CMYA5: variants seen among roughly 807,000 people sequenced by gnomAD.
The protein encoded by CMYA5 is cardiomyopathy-associated protein 5.
In CMYA5, 246 loss-of-function variants were observed where a neutral mutation model predicts 318.9. That is an observed-to-expected ratio of 0.77 (90% CI 0.70 to 0.86). CMYA5 has a LOEUF of 0.86. Ranked by LOEUF, CMYA5 falls within the 40% of genes least tolerant of loss-of-function variation. The probability of loss-of-function intolerance (pLI) is 0.00; values close to 1 mark genes in which losing one functional copy is unlikely to be tolerated. For synonymous variants in CMYA5, 1,641 were observed against 1,729.5 expected, an observed-to-expected ratio of 0.95 and a Z score of 1.27; for missense variants, 4,589 against 4,678.2, an observed-to-expected ratio of 0.98 and a Z score of 0.56.
chr5:79,719,637 C>T (rs949959645), intron 1 of CMYA5, among the ~76,000 whole-genome samples: 2 of 152,130 alleles, frequency 1.3e-5, no homozygotes, highest in Admixed American at 1.3e-4. Flanking sequence ...TCCTTCCTAC[C>T]GTGCAAAGGG....
chr5:79,729,430 T>C lies in CMYA5; in HGVS notation c.665T>C (p.Ile222Thr), dbSNP rs751735438. ...HKPLVLRPVY[I>T]GTVQYKIKMF... is the part of the protein sequence containing the mutation. ...CCATTAGTGTTAAGACCAGTCTACA[T>C]AGGAACAGTACAATATAAAATTAAG... is the stretch of plus-strand genomic sequence containing the variant. Residue 222 changes from isoleucine to threonine, a missense_variant, in exon 2 of 13, where the codon ATA becomes ACA. This residue lies in a region of CMYA5 where 2,132 missense variants were observed against 2,131.3 expected (regional missense o/e 1.00). Transcript: ENST00000446378. 18 of 1,613,546 alleles carry C rather than the reference T, an allele frequency of 1.1e-5. No homozygotes were observed. Among genetic ancestry groups the C allele is most frequent in the South Asian group, 9.9e-5 (9 of 91,056 alleles).
Position 79,729,927 on chromosome 5 carries a change from A to C in CMYA5, c.1162A>C (p.Thr388Pro). Reference sequence around the variant, plus strand: ...ATCTGTGACACCCGACACACCTGCAACTATGTTCCTGAGAACAACAAAGGA... The same window carrying C: ...ATCTGTGACACCCGACACACCTGCACCTATGTTCCTGAGAACAACAAAGGA... ...PPSVTPDTPA[T>P]MFLRTTKEEC... The change falls in exon 2 of 13, where the codon ACT becomes CCT. Residue 388 changes from threonine to proline, a missense_variant. Physicochemically the swap from Thr to Pro is conservative, Grantham distance 38. This residue lies in a region of CMYA5 where 2,132 missense variants were observed against 2,131.3 expected (regional missense o/e 1.00). Transcript: ENST00000446378. The C allele has an allele frequency of 2.5e-6, 4 of 1,613,808 alleles. No individual in the cohort carries two copies. The highest frequency in any genetic ancestry group is 3.4e-6 in the Non-Finnish European group (4 of 1,179,818).
intron 1 of CMYA5, among the ~76,000 whole-genome samples, chr5:79,694,670 G>T (rs890922344): frequency 6.6e-6 from 1 of 152,348 alleles, no homozygotes; most frequent in Middle Eastern, 3.4e-3. Context: ...ACTAGTCCTT[G>T]CAGGAATAAA....
chr5:79,695,661 C>T (rs946390002), intron 1 of CMYA5, among the ~76,000 whole-genome samples: 10 of 152,296 alleles, frequency 6.6e-5, no homozygotes, highest in African/African-American at 2.4e-4. Context: ...ATACCAGGGA[C>T]ACAAAGAGGA....
In CMYA5 at chr5:79,733,046, T is replaced by C; in HGVS notation, c.4281T>C (p.Ile1427=). 1.2e-6 allele frequency: 2 copies of C among 1,613,446 alleles called. No homozygotes were observed. Among genetic ancestry groups the C allele is most frequent in the South Asian group, 2.2e-5 (2 of 91,014 alleles). Residue 1427 remains isoleucine (I), a synonymous_variant, in exon 2 of 13, where the codon ATT becomes ATC. Transcript: ENST00000446378. ...DKVAIKGASP[I]ETSSKHLAWS... ...TGGCAATTAAAGGTGCTTCTCCCAT[T>C]GAAACTTCATCCAAACATTTAGCTT...
At chr5:79,750,368 CAAAAT>C (rs1466325134) in intron 5 of CMYA5, among the ~76,000 whole-genome samples, 2 of 152,140 alleles carry the variant, frequency 1.3e-5, no homozygotes, top group African/African-American at 4.8e-5. Flanking sequence ...AATATGTATA[CAAAAT>C]ATGTGTTAAT....
chr5:79,740,294 G>A (rs1453335776), intron 2 of CMYA5, among the ~76,000 whole-genome samples: 1 of 152,192 alleles, frequency 6.6e-6, no homozygotes, highest in East Asian at 1.9e-4. Context: ...GCTAGCAAGA[G>A]AGACAACACA....
At chr5:79,740,609 T>C (rs1257368896) in intron 2 of CMYA5, among the ~76,000 whole-genome samples, 4 of 152,228 alleles carry the variant, frequency 2.6e-5, no homozygotes, top group African/African-American at 9.6e-5. Context: ...TTTCTGGCTA[T>C]GTCTGTAGGA....
intron 6 of CMYA5, among the ~76,000 whole-genome samples, chr5:79,753,458 T>C (rs937837610): frequency 6.6e-5 from 10 of 152,064 alleles, no homozygotes; most frequent in African/African-American, 2.4e-4. Context: ...GTGTCCTCCT[T>C]AAAAGATGCT....
In CMYA5 at chr5:79,708,536, A is replaced by G. The variant is rs528438596; in HGVS notation, c.149+18480A>G. On this transcript the variant is annotated intron_variant, in intron 1 of 12. Coordinates refer to ENST00000446378, the MANE Select transcript of CMYA5 (RefSeq NM_153610.5). ...GCTACTTGGGAGGCTGAGGCGGGAC[A>G]ATGGCGTGAACCCAGGAGGCGGAGC... 4.1e-4 allele frequency among the ~76,000 whole-genome samples: 62 copies of G among 152,174 alleles called. 4 individuals are homozygous for G. The South Asian group carries it at 0.012, about 31-fold the overall frequency.
intron 12 of CMYA5, among the ~76,000 whole-genome samples, chr5:79,795,303 T>C (rs1254188545): frequency 1.3e-5 from 2 of 152,166 alleles, no homozygotes; most frequent in Admixed American, 6.5e-5. Context: ...AGAACGCTCC[T>C]GTGGCAGCCC....
At chr5:79,694,764 G>T (rs562612526) in intron 1 of CMYA5, among the ~76,000 whole-genome samples, 1 of 152,160 alleles carries the variant, frequency 6.6e-6, no homozygotes, top group East Asian at 1.9e-4. Flanking sequence ...TTTATATGGT[G>T]TCTCCCACAG....
At chr5:79,774,367 T>C (rs544695751) in intron 9 of CMYA5, 9 of 152,374 alleles carry the variant, frequency 5.9e-5, no homozygotes, top group Admixed American at 5.9e-4. Context: ...TTTCTTTGAA[T>C]GCTCTCCTCA....
chr5:79,699,284 G>A (rs968579440), intron 1 of CMYA5, among the ~76,000 whole-genome samples: 5 of 152,062 alleles, frequency 3.3e-5, no homozygotes, highest in Admixed American at 6.5e-5. Context: ...TCTGATGAAC[G>A]CCATTCATAT....
intron 9 of CMYA5, among the ~76,000 whole-genome samples, chr5:79,763,610 T>C (rs562785771): frequency 4.6e-5 from 7 of 152,312 alleles, no homozygotes; most frequent in East Asian, 3.9e-4. Context: ...GTCTCCATGA[T>C]AGATTGGTAA....
chr5:79,785,358 T>C (rs1829064868), intron 9 of CMYA5, among the ~76,000 whole-genome samples: 2 of 152,158 alleles, frequency 1.3e-5, no homozygotes, highest in African/African-American at 2.4e-5. Flanking sequence ...TTTTTAGAGA[T>C]CATGTTAAAT....
Position 79,732,909 on chromosome 5 carries a change from C to G in CMYA5, c.4144C>G (p.Pro1382Ala). ...EIPTDSSLIT[P>A]VDRPVLTKVG... ...CCCAACAGATTCATCTCTTATCACT[C>G]CTGTAGATCGTCCAGTCTTAACAAA... Residue 1382 changes from proline (P) to alanine (A), a missense_variant, in exon 2 of 13, where the codon CCT (proline) becomes GCT (alanine). This residue lies in a region of CMYA5 where 2,132 missense variants were observed against 2,131.3 expected (regional missense o/e 1.00). Transcript: ENST00000446378. 6.2e-7 allele frequency: 1 copy of G among 1,613,746 alleles called. No homozygotes were observed. The highest frequency in any genetic ancestry group is 8.5e-7 in the Non-Finnish European group (1 of 1,179,814).
chr5:79,701,688 A>G (rs1289085479), intron 1 of CMYA5, among the ~76,000 whole-genome samples: 2 of 152,216 alleles, frequency 1.3e-5, no homozygotes, highest in Non-Finnish European at 2.9e-5. Flanking sequence ...TAGAGTTACC[A>G]TATGACTCTG....
intron 9 of CMYA5, 153 bp downstream of exon 9, chr5:79,763,362 C>T (rs1167478671): frequency 1.6e-6 from 1 of 631,440 alleles, no homozygotes; most frequent in Non-Finnish European, 2.7e-6. Flanking sequence ...GCAGCTCTAT[C>T]ACAGTTCACC....
Sources: gnomAD v4.1 joint callset for allele counts (sites outside exome capture counted in the v4.1 genomes callset) on GRCh38, gnomAD v4.1.1 for gene constraint, gnomAD v4.1.1 regional missense constraint, MANE v1.5 for transcripts, NCBI Gene and HGNC (gene_info 2026-07-23, HGNC 2026-07-21) for gene names.